PCDHGA3: variants seen among roughly 807,000 people sequenced by gnomAD.
The protein encoded by PCDHGA3 is protocadherin gamma subfamily A, 3.
A neutral mutation model predicts 58.5 loss-of-function variants in PCDHGA3; 40 were observed. That is an observed-to-expected ratio of 0.68 (90% CI 0.53 to 0.89). The LOEUF (loss-of-function observed/expected upper bound fraction) is 0.89, where lower values mean the gene tolerates loss of function less well. PCDHGA3 is among the 40% of genes least tolerant of loss of function. The probability of loss-of-function intolerance (pLI) is 0.00; values close to 1 mark genes in which losing one functional copy is unlikely to be tolerated. For missense variants in PCDHGA3, 1,223 were observed against 1,195.9 expected (o/e 1.02, Z -0.33); for synonymous variants, 530 against 525.7 (o/e 1.01, Z -0.11).
intron 1 of PCDHGA3, chr5:141,404,354 G>A (rs749866543): frequency 6.2e-7 from 1 of 1,613,916 alleles, no homozygotes; most frequent in Non-Finnish European, 8.5e-7. Flanking sequence ...CAACGCCAGA[G>A]GTACTTCCAT....
At chr5:141,428,616 G>A (rs2097151212) in intron 1 of PCDHGA3, 1 of 207,844 alleles carries the variant, frequency 4.8e-6, no homozygotes, top group Admixed American at 5.3e-5. Flanking sequence ...AGAATAACAA[G>A]ATAAGCTCTA....
Position 141,415,089 on chromosome 5 carries a change from C to T in PCDHGA3, c.2424+68632C>T, listed in dbSNP as rs1159857230. 1.9e-6 allele frequency: 3 copies of T among 1,613,556 alleles called. No individual in the cohort carries two copies. In the South Asian group the frequency reaches 3.3e-5, roughly 18 times the overall value. The stretch of plus-strand genomic sequence containing the variant: ...TGCGCACGGCGCGAGCCCTGCTGGA[C>T]AGAGACGCGCTCAAGCAAAGCCTCG... On this transcript the variant is annotated intron_variant, in intron 1 of 3. Coordinates refer to ENST00000253812, the MANE Select transcript of PCDHGA3 (RefSeq NM_018916.4).
chr5:141,486,379 G>A lies in PCDHGA3; in HGVS notation c.2425-8428G>A. 2 of 1,614,094 alleles carry A rather than the reference G, an allele frequency of 1.2e-6. No individual in the cohort carries two copies. Among genetic ancestry groups the A allele is most frequent in the Non-Finnish European group, 1.7e-6 (2 of 1,180,000 alleles). ...CATTTGCCCTCAAGTCTGCCTTCAG[G>A]AACCAGTTCTCCCTGGTGACTGCTG... On this transcript the variant is annotated intron_variant, in intron 1 of 3. Transcript: ENST00000253812. The surrounding 1 kb of genome is among the most constrained non-coding windows in gnomAD (Gnocchi z 5.0).
chr5:141,374,731 T>C (rs922018990), intron 1 of PCDHGA3: 7 of 1,610,566 alleles, frequency 4.3e-6, no homozygotes, highest in Non-Finnish European at 4.2e-6. Flanking sequence ...CTGCCATGGA[T>C]GGCGGCGACC....
At chr5:141,362,842 G>A (rs914236612) in intron 1 of PCDHGA3, among the ~76,000 whole-genome samples, 18 of 152,134 alleles carry the variant, frequency 1.2e-4, no homozygotes, top group Admixed American at 8.5e-4. Context: ...TGAGACTTTA[G>A]GCAATTAGTT....
chr5:141,489,348 G>T lies in PCDHGA3; in HGVS notation c.2425-5459G>T. On this transcript the variant is annotated intron_variant, in intron 1 of 3. Coordinates refer to ENST00000253812, the MANE Select transcript of PCDHGA3 (RefSeq NM_018916.4). The surrounding 1 kb of genome is among the most constrained non-coding windows in gnomAD (Gnocchi z 4.5). ...CTGGGCAGCTTCGTTACTCAGTGGT[G>T]GAGGAGTCTGAGCCGGGGACGCTGG... is the stretch of plus-strand genomic sequence containing the variant. 1 of 1,611,876 alleles carries T rather than the reference G, an allele frequency of 6.2e-7. No homozygotes were observed. The highest frequency in any genetic ancestry group is 8.5e-7 in the Non-Finnish European group (1 of 1,178,502).
In PCDHGA3 at chr5:141,489,203, C is replaced by A; in HGVS notation, c.2425-5604C>A. On this transcript the variant is annotated intron_variant, in intron 1 of 3. Transcript: ENST00000253812. The surrounding 1 kb of genome is among the most constrained non-coding windows in gnomAD (Gnocchi z 4.5). ...CCCTGGGTCTACCTTGGAGACAGGA[C>A]AGCACAGACTTACTCTCCACAAAGG... is the stretch of plus-strand genomic sequence containing the variant. 7.1e-7 allele frequency: 1 copy of A among 1,414,834 alleles called. No individual in the cohort carries two copies. Among genetic ancestry groups the A allele is most frequent in the Non-Finnish European group, 9.6e-7 (1 of 1,040,052 alleles). The allele number at this position is 1,414,834 out of a possible 1,614,324, so 87.6% of individuals were successfully genotyped here.
intron 1 of PCDHGA3, chr5:141,409,566 C>T: frequency 2.5e-6 from 4 of 1,613,978 alleles, no homozygotes; most frequent in Middle Eastern, 1.6e-4. Context: ...TTCGACCAGA[C>T]GTCCTACGTG....
intron 1 of PCDHGA3, chr5:141,400,255 C>A (rs2093990770): frequency 4.3e-6 from 7 of 1,613,928 alleles, no homozygotes; most frequent in Non-Finnish European, 1.7e-6. Context: ...CGTTGCCTTG[C>A]GCCTGCGACG....
chr5:141,505,246 G>GAAGT, intron 2 of PCDHGA3, 147 bp from the exon 3 acceptor site: 3 of 1,436,674 alleles, frequency 2.1e-6, no homozygotes, highest in Non-Finnish European at 2.8e-6. Context: ...AAGGATTGTA[G>GAAGT]AAGTGCCTCC....
chr5:141,392,299 T>C (rs1165805349), intron 1 of PCDHGA3: 1 of 151,994 alleles, frequency 6.6e-6, no homozygotes, highest in African/African-American at 2.4e-5. Flanking sequence ...GAAATGAAAG[T>C]ATCATGTTTT....
rs200109598 is a variant in PCDHGA3 at position 141,388,741 on chromosome 5, A to C, written c.2424+42284A>C. ...ACTTTCTCTTTCAGTGAAGCTAGCC[A>C]GATCACCCAATTTGACCTGAACTCT... is the stretch of plus-strand genomic sequence containing the variant. On this transcript the variant is annotated intron_variant, in intron 1 of 3. Transcript: ENST00000253812. The C allele has an allele frequency of 1.3e-4, 203 of 1,613,906 alleles. No individual in the cohort carries two copies. The highest frequency in any genetic ancestry group is 1.7e-4 in the Non-Finnish European group (198 of 1,179,898).
At chr5:141,442,848 T>C (rs1210778801) in intron 1 of PCDHGA3, among the ~76,000 whole-genome samples, 2 of 152,236 alleles carry the variant, frequency 1.3e-5, no homozygotes, top group Non-Finnish European at 2.9e-5. Context: ...ATCTTGGCCA[T>C]TGTAGTATGA....
At chr5:141,400,189 C>G (rs376855933) in intron 1 of PCDHGA3, 2 of 1,614,056 alleles carry the variant, frequency 1.2e-6, no homozygotes, top group Non-Finnish European at 1.7e-6. Flanking sequence ...GCAGTTTTAC[C>G]TAGTGGTGGC....
At chr5:141,387,843 G>A in intron 1 of PCDHGA3, 5 of 1,597,072 alleles carry the variant, frequency 3.1e-6, no homozygotes, top group Admixed American at 1.7e-5. Flanking sequence ...TTTGTAACCC[G>A]GCGTCTCCAG....
chr5:141,497,689 A>G (rs951295378), intron 2 of PCDHGA3, among the ~76,000 whole-genome samples: 1 of 151,958 alleles, frequency 6.6e-6, no homozygotes, highest in African/African-American at 2.4e-5. Flanking sequence ...GCAGGTGTGC[A>G]CCACCACACC....
At chr5:141,496,268 G>T (rs1237681971) in intron 2 of PCDHGA3, among the ~76,000 whole-genome samples, 1 of 152,208 alleles carries the variant, frequency 6.6e-6, no homozygotes, top group Non-Finnish European at 1.5e-5. Flanking sequence ...TCAGCAGAAA[G>T]ACCTTCAGTT....
chr5:141,430,953 G>A (rs2097330054), intron 1 of PCDHGA3: 1 of 1,611,124 alleles, frequency 6.2e-7, no homozygotes, highest in African/African-American at 1.3e-5. Context: ...CGCGGAGTCC[G>A]CATCATCCCC....
In PCDHGA3 at chr5:141,510,929, C is replaced by T. The variant is rs1238694958; in HGVS notation, c.2573-18C>T. The T allele has an allele frequency of 3.1e-6, 5 of 1,613,988 alleles. No homozygotes were observed. The highest frequency in any genetic ancestry group is 4.2e-6 in the Non-Finnish European group (5 of 1,179,988). On this transcript the variant is annotated intron_variant, in intron 3 of 3. Coordinates refer to ENST00000253812, the MANE Select transcript of PCDHGA3 (RefSeq NM_018916.4). ...ACCCTAAGTTTAGCTCCCACCTGAT[C>T]TTCCTCTGTCTCTGCAGAAGCTGCT...
Sources: gnomAD v4.1 joint callset for allele counts (sites outside exome capture counted in the v4.1 genomes callset) on GRCh38, gnomAD v4.1.1 for gene constraint, Gnocchi (gnomAD v3.1) non-coding constraint, MANE v1.5 for transcripts, NCBI Gene and HGNC (gene_info 2026-07-23, HGNC 2026-07-21) for gene names.